The following CNTNAP5 variants were observed in gnomAD, a reference collection of about 807,000 sequenced individuals.
CNTNAP5 encodes contactin-associated protein-like 5.
CNTNAP5 carries 72 observed loss-of-function variants against 150.2 expected under a neutral mutation model. That is an observed-to-expected ratio of 0.48 (90% CI 0.40 to 0.58). The LOEUF is 0.58. Ranked by LOEUF, CNTNAP5 falls within the 20% of genes least tolerant of loss-of-function variation. CNTNAP5 has a pLI of 0.00. For missense variants in CNTNAP5, 1,636 were observed against 1,626.2 expected, an observed-to-expected ratio of 1.01 and a Z score of -0.10; for synonymous variants, 672 against 619.8, an observed-to-expected ratio of 1.08 and a Z score of -1.25.
chr2:124,845,458 T>G (rs1683029876), intron 19 of CNTNAP5, among the ~76,000 whole-genome samples: 2 of 151,478 alleles, frequency 1.3e-5, no homozygotes, highest in Non-Finnish European at 3.0e-5. Context: ...TTTTTTGCTA[T>G]TTCCTTCCCT....
chr2:124,878,855 G>A (rs1472698630), intron 21 of CNTNAP5, among the ~76,000 whole-genome samples: 1 of 151,622 alleles, frequency 6.6e-6, no homozygotes, highest in African/African-American at 2.4e-5. Flanking sequence ...GCCAATTTTT[G>A]TATTTTTAGT....
chr2:124,727,343 T>C (rs1419364624), intron 13 of CNTNAP5, among the ~76,000 whole-genome samples: 1 of 152,026 alleles, frequency 6.6e-6, no homozygotes, highest in African/African-American at 2.4e-5. Context: ...TGTAGAATCA[T>C]TTTTTCCTTT....
chr2:124,817,480 T>C (rs1158296730), intron 19 of CNTNAP5, among the ~76,000 whole-genome samples: 1 of 152,210 alleles, frequency 6.6e-6, no homozygotes, highest in Admixed American at 6.5e-5. Flanking sequence ...ATGCTTAATT[T>C]CTCTGGCTCT....
At chr2:124,884,163 C>T (rs547442769) in intron 21 of CNTNAP5, among the ~76,000 whole-genome samples, 1 of 152,084 alleles carries the variant, frequency 6.6e-6, no homozygotes, top group Non-Finnish European at 1.5e-5. Flanking sequence ...TCTGTACATG[C>T]ATGTCTGTAT....
chr2:124,892,926 T>G (rs1678229159), intron 21 of CNTNAP5, among the ~76,000 whole-genome samples: 1 of 152,132 alleles, frequency 6.6e-6, no homozygotes, highest in Admixed American at 6.6e-5. Context: ...CATCACGCAT[T>G]ATCACCTTAT....
intron 17 of CNTNAP5, among the ~76,000 whole-genome samples, chr2:124,779,936 A>G (rs991156159): frequency 6.6e-6 from 1 of 152,166 alleles, no homozygotes; most frequent in African/African-American, 2.4e-5. Flanking sequence ...CTTTGTGGGA[A>G]GACGTAGTGT....
chr2:124,695,056 T>C (rs1679378188), intron 13 of CNTNAP5, among the ~76,000 whole-genome samples: 1 of 152,098 alleles, frequency 6.6e-6, no homozygotes, highest in Admixed American at 6.6e-5. Context: ...GACACACTTT[T>C]AAGTTTAAAT....
intron 1 of CNTNAP5, among the ~76,000 whole-genome samples, chr2:124,161,410 G>A (rs747594047): frequency 6.6e-6 from 1 of 152,108 alleles, no homozygotes; most frequent in Non-Finnish European, 1.5e-5. Flanking sequence ...TAGCACCTAG[G>A]AAACAGAGAG....
chr2:124,229,120 C>T (rs1052453745), intron 2 of CNTNAP5, among the ~76,000 whole-genome samples: 6 of 152,200 alleles, frequency 3.9e-5, no homozygotes, highest in East Asian at 1.9e-4. Flanking sequence ...AGAAAGTGTG[C>T]GTAACTGATC....
chr2:124,541,403 T>C (rs1428539223), intron 10 of CNTNAP5, among the ~76,000 whole-genome samples: 1 of 151,954 alleles, frequency 6.6e-6, no homozygotes, highest in African/African-American at 2.4e-5. Context: ...GCTACACCCC[T>C]ACACTTAGAA....
intron 23 of CNTNAP5, among the ~76,000 whole-genome samples, chr2:124,911,990 C>T (rs1678666007): frequency 6.6e-6 from 1 of 152,058 alleles, no homozygotes; most frequent in African/African-American, 2.4e-5. Context: ...GGGTGAAGCC[C>T]ACAGAACTGT....
At chr2:124,316,524 A>G in intron 3 of CNTNAP5, among the ~76,000 whole-genome samples, 1 of 152,048 alleles carries the variant, frequency 6.6e-6, no homozygotes, top group Admixed American at 6.6e-5. Flanking sequence ...TGGCTCTCAC[A>G]GCCGGGCACG....
chr2:124,311,238 G>A (rs1688823245), intron 3 of CNTNAP5, among the ~76,000 whole-genome samples: 1 of 152,056 alleles, frequency 6.6e-6, no homozygotes, highest in South Asian at 2.1e-4. Context: ...ACCATAGACT[G>A]GGTGGCTTAA....
intron 11 of CNTNAP5, among the ~76,000 whole-genome samples, chr2:124,604,587 G>A (rs942889073): frequency 1.3e-5 from 2 of 152,150 alleles, no homozygotes; most frequent in Admixed American, 6.5e-5. Flanking sequence ...GAAATCAAAC[G>A]ATGAAGGTTG....
At chr2:124,632,716 A>G (rs1016433302) in intron 12 of CNTNAP5, among the ~76,000 whole-genome samples, 14 of 149,474 alleles carry the variant, frequency 9.4e-5, no homozygotes, top group African/African-American at 3.4e-4. Flanking sequence ...GAAAAAAAAA[A>G]CAATAAAATG....
intron 4 of CNTNAP5, among the ~76,000 whole-genome samples, chr2:124,418,040 G>A (rs1691970928): frequency 6.6e-6 from 1 of 152,116 alleles, no homozygotes; most frequent in Non-Finnish European, 1.5e-5. Context: ...TCCTTGAAAT[G>A]ATCTCCTTCA....
intron 3 of CNTNAP5, among the ~76,000 whole-genome samples, chr2:124,315,297 G>T (rs1383260701): frequency 6.6e-6 from 1 of 152,058 alleles, no homozygotes; most frequent in Non-Finnish European, 1.5e-5. Flanking sequence ...GTCAGTTTTG[G>T]ATACTACTTA....
chr2:124,396,088 G>A (rs1691236157), intron 3 of CNTNAP5, among the ~76,000 whole-genome samples: 1 of 152,204 alleles, frequency 6.6e-6, no homozygotes, highest in South Asian at 2.1e-4. Flanking sequence ...TTCAGGGATT[G>A]TGAGAAATAA....
chr2:124,340,807 A>G (rs999211004), intron 3 of CNTNAP5, among the ~76,000 whole-genome samples: 9 of 100,484 alleles, frequency 9.0e-5, no homozygotes, highest in South Asian at 2.6e-4. Flanking sequence ...ATATGTATAC[A>G]TGTATATATA....
Sources: allele counts gnomAD v4.1 joint callset (sites outside exome capture counted in the v4.1 genomes callset), GRCh38; gene constraint gnomAD v4.1.1; transcripts MANE v1.5; gene names NCBI Gene and HGNC (gene_info 2026-07-23, HGNC 2026-07-21).